The following RAB8B variants were observed in gnomAD, a reference collection of about 807,000 sequenced individuals.
RAB8B encodes the protein ras-related protein Rab-8B.
RAB8B carries 11 observed loss-of-function variants against 32.0 expected under a neutral mutation model. The observed-to-expected ratio is 0.34, with a 90% CI of 0.22 to 0.57. The LOEUF (loss-of-function observed/expected upper bound fraction) is 0.57, where lower values mean the gene tolerates loss of function less well. Ranked by LOEUF, RAB8B falls within the 20% of genes least tolerant of loss-of-function variation. RAB8B has a pLI of 0.86. For missense variants in RAB8B, 190 were observed against 258.5 expected, an observed-to-expected ratio of 0.73 and a Z score of 1.82; for synonymous variants, 103 against 89.6, an observed-to-expected ratio of 1.15 and a Z score of -0.85.
chr15:63,255,515 G>A lies in RAB8B; in HGVS notation c.255G>A (p.Met85Ile), dbSNP rs747288476. 6.3e-7 allele frequency: 1 copy of A among 1,598,736 alleles called. No individual in the cohort carries two copies. The highest frequency in any genetic ancestry group is 1.7e-5 in the Admixed American group (1 of 59,982). The change falls in exon 4 of 8, where the codon ATG (methionine) becomes ATA (isoleucine). Residue 85 changes from methionine to isoleucine, a missense_variant. Coordinates refer to ENST00000321437, the MANE Select transcript of RAB8B (RefSeq NM_016530.3). Reference sequence around the variant, plus strand: ...ATTTTTCCCCCTTATAGGGCATTATGCTGGTCTATGACATCACAAATGAAA... The same window carrying A: ...ATTTTTCCCCCTTATAGGGCATTATACTGGTCTATGACATCACAAATGAAA... The part of the protein sequence containing the change: ...TAYYRGAMGI[M>I]LVYDITNEKS...
At chr15:63,261,810 G>T (rs2038205215) in intron 6 of RAB8B, among the ~76,000 whole-genome samples, 1 of 152,204 alleles carries the variant, frequency 6.6e-6, no homozygotes, top group South Asian at 2.1e-4. Flanking sequence ...TTAACAATAG[G>T]TTTAGCATGG....
intron 1 of RAB8B, among the ~76,000 whole-genome samples, chr15:63,225,286 C>G (rs1038939211): frequency 2.0e-5 from 3 of 152,168 alleles, no homozygotes; most frequent in African/African-American, 7.2e-5. Flanking sequence ...CATCAAAGCT[C>G]TTACAAGTCA....
intron 1 of RAB8B, among the ~76,000 whole-genome samples, chr15:63,207,946 C>T (rs576130790): frequency 2.4e-4 from 35 of 143,900 alleles, no homozygotes; most frequent in Non-Finnish European, 4.8e-4. Flanking sequence ...GCCCTCAATA[C>T]CTCTCTCCTG....
chr15:63,197,714 T>G (rs1338451861), intron 1 of RAB8B, among the ~76,000 whole-genome samples: 2 of 152,098 alleles, frequency 1.3e-5, no homozygotes, highest in Non-Finnish European at 1.5e-5. Context: ...GTTGGCATAG[T>G]ATGTTGAGGA....
chr15:63,228,560 G>T (rs1465008540), intron 1 of RAB8B, among the ~76,000 whole-genome samples: 1 of 152,172 alleles, frequency 6.6e-6, no homozygotes, highest in African/African-American at 2.4e-5. Flanking sequence ...CCCTTTCTTT[G>T]TTTCCCACAT....
chr15:63,260,623 G>C (rs574330261), intron 6 of RAB8B, among the ~76,000 whole-genome samples: 1 of 151,884 alleles, frequency 6.6e-6, no homozygotes, highest in South Asian at 2.1e-4. Context: ...ACCATGGCAC[G>C]TGTATACCTA....
At chr15:63,216,309 A>T (rs1255297016) in intron 1 of RAB8B, among the ~76,000 whole-genome samples, 1 of 149,092 alleles carries the variant, frequency 6.7e-6, no homozygotes, top group Non-Finnish European at 1.5e-5. Flanking sequence ...GCTCACTGCA[A>T]CCTCCGCCTC....
chr15:63,234,312 C>G (rs2037960095), intron 1 of RAB8B, among the ~76,000 whole-genome samples: 1 of 152,208 alleles, frequency 6.6e-6, no homozygotes, highest in African/African-American at 2.4e-5. Flanking sequence ...CACCCATTCA[C>G]AAACGCAGGG....
Position 63,263,533 on chromosome 15 carries a change from A to G in RAB8B, c.538A>G (p.Ser180Gly). 1 of 1,609,294 alleles carries G rather than the reference A, an allele frequency of 6.2e-7. No individual in the cohort carries two copies. Among genetic ancestry groups the G allele is most frequent in the South Asian group, 1.1e-5 (1 of 90,964 alleles). ...TTCATCTTCTATTTTTTAGAATGAC[A>G]GCAATTCAGCAGGAGCAGGTGGACC... The part of the protein sequence containing the change: ...MTKLNRKMND[S>G]NSAGAGGPVK... The change falls in exon 8 of 8, where the codon AGC becomes GGC. Residue 180 changes from serine (S) to glycine (G), a missense_variant. By Grantham distance (56) the Ser-to-Gly change is moderately conservative. This residue lies in a region of RAB8B where 110 missense variants were observed against 115.9 expected (regional missense o/e 0.95). Coordinates refer to ENST00000321437, the MANE Select transcript of RAB8B (RefSeq NM_016530.3).
chr15:63,232,131 A>G (rs896116638), intron 1 of RAB8B, among the ~76,000 whole-genome samples: 1 of 151,986 alleles, frequency 6.6e-6, no homozygotes, highest in Non-Finnish European at 1.5e-5. Flanking sequence ...TTTATTTGCT[A>G]TTTTTGTCTT....
At chr15:63,191,700 A>G (rs1334315054) in intron 1 of RAB8B, among the ~76,000 whole-genome samples, 1 of 152,208 alleles carries the variant, frequency 6.6e-6, no homozygotes, top group Non-Finnish European at 1.5e-5. Context: ...TCCATTCTGT[A>G]TTTGAGCCTC....
intron 1 of RAB8B, among the ~76,000 whole-genome samples, chr15:63,225,866 G>A (rs960439187): frequency 1.3e-5 from 2 of 151,922 alleles, no homozygotes; most frequent in Non-Finnish European, 2.9e-5. Context: ...TCTGAAAGAG[G>A]GTCTCGCTCT....
At chr15:63,219,433 C>T (rs1347369443) in intron 1 of RAB8B, among the ~76,000 whole-genome samples, 1 of 149,894 alleles carries the variant, frequency 6.7e-6, no homozygotes, top group Non-Finnish European at 1.5e-5. Context: ...AGTCAATTTA[C>T]TGTGTCCAGA....
intron 1 of RAB8B, among the ~76,000 whole-genome samples, chr15:63,238,548 G>A (rs2038003882): frequency 6.6e-6 from 1 of 152,142 alleles, no homozygotes; most frequent in Non-Finnish European, 1.5e-5. Flanking sequence ...TTCATGACAG[G>A]ATAGTAGTGC....
intron 4 of RAB8B, 61 bp downstream of exon 4, chr15:63,255,645 C>T: frequency 2.2e-6 from 3 of 1,376,356 alleles, no homozygotes; most frequent in Admixed American, 3.4e-5. Flanking sequence ...TTGTAAAAGG[C>T]TCCTCTGTCT....
intron 1 of RAB8B, among the ~76,000 whole-genome samples, chr15:63,211,561 T>C (rs1440580218): frequency 6.6e-6 from 1 of 152,204 alleles, no homozygotes; most frequent in East Asian, 1.9e-4. Context: ...CCTGATACTG[T>C]GTTTAGTATT....
At chr15:63,246,784 G>T (rs2038075755) in intron 2 of RAB8B, among the ~76,000 whole-genome samples, 1 of 152,146 alleles carries the variant, frequency 6.6e-6, no homozygotes, top group Non-Finnish European at 1.5e-5. Flanking sequence ...GAAAGTTCCA[G>T]CCCGCTTATC....
intron 2 of RAB8B, among the ~76,000 whole-genome samples, chr15:63,247,676 C>T (rs2038082445): frequency 1.3e-5 from 2 of 152,170 alleles, no homozygotes; most frequent in African/African-American, 4.8e-5. Flanking sequence ...AAGAACGAGG[C>T]AGGGCTAAAG....
chr15:63,249,876 C>G (rs963515920), intron 3 of RAB8B, among the ~76,000 whole-genome samples, 171 bp downstream of exon 3: 5 of 152,126 alleles, frequency 3.3e-5, no homozygotes, highest in African/African-American at 1.2e-4. Context: ...GTGGCTCACA[C>G]CTGTAATCCC....
Sources: gnomAD v4.1 joint callset for allele counts (sites outside exome capture counted in the v4.1 genomes callset) on GRCh38, gnomAD v4.1.1 for gene constraint, gnomAD v4.1.1 regional missense constraint, MANE v1.5 for transcripts, NCBI Gene and HGNC (gene_info 2026-07-23, HGNC 2026-07-21) for gene names.